VPS26A: variants seen among roughly 807,000 people sequenced by gnomAD.
VPS26A encodes VPS26 retromer complex component A.
Under a neutral mutation model 42.4 loss-of-function variants are expected in VPS26A, and 22 were observed. The observed-to-expected ratio is 0.52, with a 90% CI of 0.37 to 0.74. The LOEUF is 0.74. Among genes scored for constraint, VPS26A ranks in the 30% least tolerant of loss-of-function variants. The pLI, the probability that VPS26A is intolerant of heterozygous loss-of-function variation, is 0.00. For missense variants in VPS26A, 276 were observed against 379.2 expected, an observed-to-expected ratio of 0.73 and a Z score of 2.26; for synonymous variants, 110 against 123.5, an observed-to-expected ratio of 0.89 and a Z score of 0.73.
chr10:69,139,653 A>G (rs1478800949), intron 2 of VPS26A, among the ~76,000 whole-genome samples: 1 of 151,994 alleles, frequency 6.6e-6, no homozygotes, highest in Admixed American at 6.6e-5. Flanking sequence ...GGCATAGGGT[A>G]TTGTTAACAG....
rs1215380322 is a variant in VPS26A at position 69,172,968 on chromosome 10, CTG to C, written c.*1702_*1703del. On this transcript the variant is annotated 3_prime_UTR_variant, in exon 9 of 9. Coordinates refer to ENST00000263559, the MANE Select transcript of VPS26A (RefSeq NM_004896.5). ...TGTTCAATAGTTTAGGAAGCTGTAA[CTG>C]TGATAATGAATTTTTATAAATATTA... is the stretch of plus-strand genomic sequence containing the variant. 1 of 152,098 alleles carries C rather than the reference CTG, an allele frequency of 6.6e-6. No homozygotes were observed. The highest frequency in any genetic ancestry group is 2.4e-5 in the African/African-American group (1 of 41,410). The allele number at this position is 152,098 out of a possible 1,614,324, so 9.4% of individuals were successfully genotyped here.
intron 1 of VPS26A, among the ~76,000 whole-genome samples, chr10:69,129,743 T>G (rs1263391126): frequency 6.6e-6 from 1 of 152,126 alleles, no homozygotes; most frequent in African/African-American, 2.4e-5. Flanking sequence ...CAGGCTGGTC[T>G]CGAACTCCTG....
chr10:69,167,305 C>T (rs563972533), intron 7 of VPS26A, among the ~76,000 whole-genome samples: 12 of 151,706 alleles, frequency 7.9e-5, no homozygotes, highest in Non-Finnish European at 1.8e-4. Context: ...GTGGCATGCA[C>T]CTATGATCCC....
intron 6 of VPS26A, among the ~76,000 whole-genome samples, chr10:69,165,236 G>A (rs1311419827): frequency 1.3e-5 from 2 of 151,808 alleles, no homozygotes; most frequent in Non-Finnish European, 2.9e-5. Context: ...CCTCATCGTC[G>A]GGTTTTTTGC....
rs560976150 is a variant in VPS26A at position 69,156,914 on chromosome 10, T to C, written c.230-93T>C. The C allele has an allele frequency of 4.9e-4, 576 of 1,171,774 alleles. 1 individual carries two copies. The highest frequency in any genetic ancestry group is 5.5e-4 in the Admixed American group (19 of 34,750). The allele number at this position is 1,171,774 out of a possible 1,614,324, so 72.6% of individuals were successfully genotyped here. ...ATTAGAGACAAACTCAATAATTCTT[T>C]TGGTAAAAATCGTTTGTGTTTGAAG... is the stretch of plus-strand genomic sequence containing the variant. On this transcript the variant is annotated intron_variant, in intron 3 of 8. Coordinates refer to ENST00000263559, the MANE Select transcript of VPS26A (RefSeq NM_004896.5).
At chr10:69,153,049 T>G (rs1160994683) in intron 2 of VPS26A, among the ~76,000 whole-genome samples, 1 of 151,216 alleles carries the variant, frequency 6.6e-6, no homozygotes, top group African/African-American at 2.4e-5. Context: ...TTAAGTTGTT[T>G]TTTTTTTTTT....
intron 6 of VPS26A, among the ~76,000 whole-genome samples, chr10:69,163,158 T>A (rs974082707): frequency 1.2e-4 from 19 of 152,234 alleles, no homozygotes; most frequent in African/African-American, 4.6e-4. Context: ...ATTGAACCAG[T>A]CTGCTGTTTG....
At position 69,132,694 on chromosome 10, in the gene VPS26A, C is replaced by T. The variant is rs113164517; in HGVS notation, c.4-204C>T. On this transcript the variant is annotated intron_variant, in intron 1 of 8. Coordinates refer to ENST00000263559, the MANE Select transcript of VPS26A (RefSeq NM_004896.5). ...CTGACCTCAGGTGATCCGCCCACCT[C>T]AGCCTCCCAAAGTGCTGGGTTTACA... Among the ~76,000 whole-genome samples, 57 of 152,252 alleles carry T rather than the reference C, an allele frequency of 3.7e-4. 3 individuals carry two copies. The highest frequency in any genetic ancestry group is 1.3e-3 in the African/African-American group (54 of 41,558).
chr10:69,160,323 C>A (rs1464750108), intron 5 of VPS26A, among the ~76,000 whole-genome samples: 1 of 151,678 alleles, frequency 6.6e-6, no homozygotes, highest in Admixed American at 6.6e-5. Context: ...CTATGCCTGG[C>A]TAATTTTTGT....
intron 2 of VPS26A, among the ~76,000 whole-genome samples, chr10:69,138,002 G>A (rs1007649685): frequency 3.3e-5 from 5 of 151,932 alleles, no homozygotes; most frequent in African/African-American, 1.2e-4. Context: ...TAAAAATGCT[G>A]TACCATTAGC....
At chr10:69,129,573 A>T (rs1840733302) in intron 1 of VPS26A, among the ~76,000 whole-genome samples, 1 of 151,856 alleles carries the variant, frequency 6.6e-6, no homozygotes, top group Non-Finnish European at 1.5e-5. Context: ...TTTTAAACAG[A>T]GTCTCACTCT....
intron 6 of VPS26A, among the ~76,000 whole-genome samples, chr10:69,164,466 C>T (rs899896452): frequency 2.0e-5 from 3 of 152,196 alleles, no homozygotes; most frequent in African/African-American, 7.2e-5. Context: ...ATCCTCCTGC[C>T]TCAGCATCCC....
At position 69,162,473 on chromosome 10, in the gene VPS26A, A is replaced by G. The variant is rs1241932737; in HGVS notation, c.619A>G (p.Met207Val). ...ATTAGTAAGAATAAAAATACAACAT[A>G]TGGAGTTACAGCTGATCAAAAAAGA... Reference protein sequence around the residue: ...FLLVRIKIQHMELQLIKKEIT... With the variant: ...FLLVRIKIQHVELQLIKKEIT... The change falls in exon 6 of 9, where the codon ATG becomes GTG. Residue 207 changes from methionine (M) to valine (V), a missense_variant. Met to Val is a conservative substitution (Grantham distance 21, BLOSUM62 1). Transcript: ENST00000263559. The G allele has an allele frequency of 1.3e-6, 2 of 1,574,364 alleles. No individual in the cohort carries two copies. Among genetic ancestry groups the G allele is most frequent in the Non-Finnish European group, 1.7e-6 (2 of 1,148,476 alleles).
In VPS26A at chr10:69,171,794, CAT is replaced by C. The variant is rs1362690955; in HGVS notation, c.*528_*529del. On this transcript the variant is annotated 3_prime_UTR_variant, in exon 9 of 9. Coordinates refer to ENST00000263559, the MANE Select transcript of VPS26A (RefSeq NM_004896.5). Reference sequence around the variant, plus strand: ...TTTTGAGAACTACATTTGTTTTTAACATATGTGTTTGAGAAAAGCATATGGAG... The same window carrying C: ...TTTTGAGAACTACATTTGTTTTTAACATGTGTTTGAGAAAAGCATATGGAG... 1.3e-5 allele frequency: 2 copies of C among 153,176 alleles called. No individual in the cohort carries two copies. The highest frequency in any genetic ancestry group is 6.5e-5 in the Admixed American group (1 of 15,270). The allele number at this position is 153,176 out of a possible 1,614,324, so 9.5% of individuals were successfully genotyped here. A position where few individuals can be genotyped will look rare whatever the true frequency, so the allele number is the denominator to read the frequency against.
At chr10:69,153,453 C>T (rs998950117) in intron 2 of VPS26A, among the ~76,000 whole-genome samples, 2 of 151,992 alleles carry the variant, frequency 1.3e-5, no homozygotes, top group Admixed American at 6.6e-5. Context: ...AAAGGCTCCT[C>T]CTGCCACAGT....
chr10:69,152,039 T>C (rs1483258967), intron 2 of VPS26A, among the ~76,000 whole-genome samples: 1 of 152,018 alleles, frequency 6.6e-6, no homozygotes, highest in Non-Finnish European at 1.5e-5. Context: ...GGCAACATAG[T>C]AAGACCCTGT....
chr10:69,127,529 G>A (rs1017175982), intron 1 of VPS26A, among the ~76,000 whole-genome samples: 2 of 150,808 alleles, frequency 1.3e-5, no homozygotes, highest in Non-Finnish European at 3.0e-5. Context: ...CTCCGGCCTG[G>A]GCGAAAGAGC....
At chr10:69,161,591 A>C (rs1202711291) in intron 5 of VPS26A, 1 of 251,912 alleles carries the variant, frequency 4.0e-6, no homozygotes, top group African/African-American at 2.3e-5. Flanking sequence ...CATAGTTCTT[A>C]ATTACTGCAC....
chr10:69,130,188 A>G (rs1334704851), intron 1 of VPS26A, among the ~76,000 whole-genome samples: 1 of 152,190 alleles, frequency 6.6e-6, no homozygotes, highest in Non-Finnish European at 1.5e-5. Context: ...ATTAACATTC[A>G]ATAGGTATTT....
Sources: gnomAD v4.1 joint callset for allele counts (sites outside exome capture counted in the v4.1 genomes callset) on GRCh38, gnomAD v4.1.1 for gene constraint, MANE v1.5 for transcripts, NCBI Gene and HGNC (gene_info 2026-07-23, HGNC 2026-07-21) for gene names.